TRPM1: variants seen among roughly 807,000 people sequenced by gnomAD.
TRPM1 encodes transient receptor potential cation channel subfamily M member 1, also known as TRPM1-203 APA Isoform, Intron 10.
A neutral mutation model predicts 149.4 loss-of-function variants in TRPM1; 113 were observed. That is an observed-to-expected ratio of 0.76 (90% CI 0.65 to 0.88). The LOEUF is 0.88. Among genes scored for constraint, TRPM1 ranks in the 40% least tolerant of loss-of-function variants. The pLI is 0.00. For missense variants in TRPM1, 1,976 were observed against 2,038.7 expected, an observed-to-expected ratio of 0.97 and a Z score of 0.59; for synonymous variants, 741 against 759.5, an observed-to-expected ratio of 0.98 and a Z score of 0.40.
intron 1 of TRPM1, among the ~76,000 whole-genome samples, chr15:31,118,311 T>C (rs1034002513): frequency 2.6e-5 from 4 of 151,856 alleles, no homozygotes; most frequent in Non-Finnish European, 5.9e-5. Flanking sequence ...ACATGTAATA[T>C]AAATACCAGA....
intron 1 of TRPM1, among the ~76,000 whole-genome samples, chr15:31,150,628 G>T (rs1176690696): frequency 1.3e-5 from 2 of 151,992 alleles, no homozygotes; most frequent in Non-Finnish European, 2.9e-5. Context: ...CAGAGATGGG[G>T]TTTCACCATG....
At position 31,049,355 on chromosome 15, in the gene TRPM1, C is replaced by T; in HGVS notation, c.1572+20G>A. 6.2e-7 allele frequency: 1 copy of T among 1,614,176 alleles called. No homozygotes were observed. The highest frequency in any genetic ancestry group is 8.5e-7 in the Non-Finnish European group (1 of 1,180,028). ...TAGGTGGCTGCCTCCCGCTTCCTTCCCTTTTTCTAGAGCACTCACTGTGTT... is the reference window on the plus strand; with the variant it reads ...TAGGTGGCTGCCTCCCGCTTCCTTCTCTTTTTCTAGAGCACTCACTGTGTT... On this transcript the variant is annotated intron_variant, in intron 13 of 27. Transcript: ENST00000256552.
At chr15:31,105,142 T>G (rs908874888), upstream of TRPM1, among the ~76,000 whole-genome samples, 2 of 152,210 alleles carry the variant, frequency 1.3e-5, no homozygotes, top group Non-Finnish European at 2.9e-5. Context: ...TTGATGCATT[T>G]AAATCCACAG....
chr15:31,142,406 A>G (rs1331940002), intron 1 of TRPM1, among the ~76,000 whole-genome samples: 2 of 152,212 alleles, frequency 1.3e-5, no homozygotes, highest in Non-Finnish European at 1.5e-5. Flanking sequence ...TGCTCTTAGT[A>G]AATTATTGTG....
chr15:31,116,593 ACTCC>A, intron 1 of TRPM1, among the ~76,000 whole-genome samples: 1 of 133,108 alleles, frequency 7.5e-6, no homozygotes, highest in Non-Finnish European at 1.6e-5. Flanking sequence ...CGAGAGCAAA[ACTCC>A]ATCTGAAATA....
intron 6 of TRPM1, among the ~76,000 whole-genome samples, chr15:31,066,696 C>T (rs1338923201): frequency 1.3e-5 from 2 of 152,162 alleles, no homozygotes; most frequent in Non-Finnish European, 2.9e-5. Flanking sequence ...AAAAGCCAAT[C>T]CCCAAAGGTT....
In TRPM1 at chr15:31,002,408, C is replaced by T; in HGVS notation, c.4292G>A (p.Gly1431Asp). Residue 1431 changes from glycine to aspartate, a missense_variant, in exon 28 of 28, where the codon GGC (glycine) becomes GAC (aspartate). Around this residue, in one of 3 missense-constraint regions of TRPM1, gnomAD observed 572 missense variants for 578.9 expected, o/e 0.99. Coordinates refer to ENST00000256552, the MANE Select transcript of TRPM1 (RefSeq NM_001252024.2). ...QLTVETTNIE[G>D]TISYPLEETK... ...TTCTTCCAGGGGATAGGAAATAGTG[C>T]CTTCTATATTTGTCGTTTCCACTGT... 6.2e-7 allele frequency: 1 copy of T among 1,614,184 alleles called. No homozygotes were observed. The highest frequency in any genetic ancestry group is 8.5e-7 in the Non-Finnish European group (1 of 1,180,036).
In TRPM1 at chr15:31,035,154, G is replaced by A. The variant is rs117288048; in HGVS notation, c.2700+392C>T. ...TGAGTAGCCGAAATTACAGGCAACT[G>A]CCACACGACCGGCTAATTTTTGTAT... On this transcript the variant is annotated intron_variant, in intron 21 of 27. Coordinates refer to ENST00000256552, the MANE Select transcript of TRPM1 (RefSeq NM_001252024.2). 1.3e-3 allele frequency among the ~76,000 whole-genome samples: 196 copies of A among 152,266 alleles called. 6 individuals carry two copies. In the East Asian group the frequency reaches 0.033, roughly 26 times the overall value.
intron 26 of TRPM1, 147 bp downstream of exon 26, chr15:31,026,768 G>T: frequency 9.7e-6 from 8 of 824,454 alleles, no homozygotes; most frequent in Non-Finnish European, 1.5e-5. Flanking sequence ...GGTACAAAAT[G>T]AGAAGCCTTT....
At chr15:31,039,966 C>T in intron 18 of TRPM1, 152 bp downstream of exon 18, 1 of 740,314 alleles carries the variant, frequency 1.4e-6, no homozygotes, top group East Asian at 2.7e-5. Context: ...CTTCAGATTC[C>T]TCATCTATAA....
chr15:31,047,811 GA>G lies in TRPM1; in HGVS notation c.1623+77del, dbSNP rs538736412. On this transcript the variant is annotated intron_variant, in intron 14 of 27. Transcript: ENST00000256552. ...TGTGCCTGGAATAATAATACATTTT[GA>G]AAATTTAAAACTTGCTCTTAAGAAA... 3.5e-3 allele frequency: 4,236 copies of G among 1,198,980 alleles called. 33 individuals are homozygous for G. The highest frequency in any genetic ancestry group is 3.1e-3 in the Non-Finnish European group (2,471 of 801,332). 74.3% of individuals were successfully genotyped at this position (1,198,980 alleles called of 1,614,324 possible).
At position 31,046,727 on chromosome 15, in the gene TRPM1, G is replaced by A. The variant is rs149828674; in HGVS notation, c.1764+384C>T. On this transcript the variant is annotated intron_variant, in intron 15 of 27. Coordinates refer to ENST00000256552, the MANE Select transcript of TRPM1 (RefSeq NM_001252024.2). ...CTTGGCTGCTGTGATAATGAGTTTG[G>A]ATACGATTCTCCAGGCAGTGAGGAG... Among the ~76,000 whole-genome samples, 5 of 152,312 alleles carry A rather than the reference G, an allele frequency of 3.3e-5. No homozygotes were observed. The East Asian group carries it at 7.7e-4, about 23-fold the overall frequency.
At chr15:31,115,708 C>G (rs972489694) in intron 1 of TRPM1, among the ~76,000 whole-genome samples, 3 of 151,628 alleles carry the variant, frequency 2.0e-5, no homozygotes, top group African/African-American at 7.3e-5. Context: ...GAAAAGTAAC[C>G]CTGTTGAGAC....
upstream of TRPM1, among the ~76,000 whole-genome samples, chr15:31,105,249 C>T (rs1009520895): frequency 6.6e-6 from 1 of 152,336 alleles, no homozygotes; most frequent in South Asian, 2.1e-4. Flanking sequence ...AGCCTCTTTG[C>T]TATCTGGAAT....
intron 3 of TRPM1, among the ~76,000 whole-genome samples, chr15:31,076,493 C>T (rs1322318874): frequency 6.6e-6 from 1 of 152,134 alleles, no homozygotes; most frequent in Non-Finnish European, 1.5e-5. Context: ...CAAGCCAAAT[C>T]CTTTAATAAA....
intron 1 of TRPM1, among the ~76,000 whole-genome samples, chr15:31,119,803 G>T (rs920949354): frequency 6.6e-6 from 1 of 152,136 alleles, no homozygotes; most frequent in Non-Finnish European, 1.5e-5. Flanking sequence ...TTGAAAGTGG[G>T]TTTAGGTTAG....
rs185642439 is a variant in TRPM1 at position 31,032,866 on chromosome 15, A to C, written c.2775T>G (p.Asp925Glu). 4.5e-5 allele frequency: 72 copies of C among 1,614,218 alleles called. No individual in the cohort carries two copies. The East Asian group carries it at 1.4e-3, about 30-fold the overall frequency. ...TCATGAATGTGGAAATGGCCACGAG[A>C]TCTGTGATGTTCCAGTACTCCTGAA... is the stretch of plus-strand genomic sequence containing the variant. ...VWLQEYWNIT[D>E]LVAISTFMIG... Residue 925 changes from aspartate (D) to glutamate (E), a missense_variant, in exon 22 of 28, where the codon GAT becomes GAG. Asp to Glu is a conservative substitution (Grantham distance 45). This residue lies in a region of TRPM1 where 1,332 missense variants were observed against 1,347.1 expected (regional missense o/e 0.99). Coordinates refer to ENST00000256552, the MANE Select transcript of TRPM1 (RefSeq NM_001252024.2).
intron 1 of TRPM1, among the ~76,000 whole-genome samples, chr15:31,094,728 C>G (rs1224135439): frequency 1.3e-5 from 2 of 152,112 alleles, no homozygotes; most frequent in Non-Finnish European, 2.9e-5. Context: ...AAATAGTAAC[C>G]AGTGTTTGCA....
upstream of TRPM1, among the ~76,000 whole-genome samples, chr15:31,105,812 G>A (rs2035598846): frequency 6.6e-6 from 1 of 152,172 alleles, no homozygotes; most frequent in Non-Finnish European, 1.5e-5. Context: ...TACACAGCGA[G>A]TTCGGGGAAC....
Sources: gnomAD v4.1 joint callset for allele counts (sites outside exome capture counted in the v4.1 genomes callset) on GRCh38, gnomAD v4.1.1 for gene constraint, gnomAD v4.1.1 regional missense constraint, MANE v1.5 for transcripts, NCBI Gene and HGNC (gene_info 2026-07-23, HGNC 2026-07-21) for gene names.